CELF1: variants seen among roughly 807,000 people sequenced by gnomAD.
CELF1 encodes the protein 50 kDa nuclear polyadenylated RNA-binding protein.
Under a neutral mutation model 61.8 loss-of-function variants are expected in CELF1, and 10 were observed. The observed-to-expected ratio is 0.16, with a 90% CI of 0.10 to 0.27. The LOEUF (loss-of-function observed/expected upper bound fraction) is 0.27, where lower values mean the gene tolerates loss of function less well. Among genes scored for constraint, CELF1 ranks in the 10% least tolerant of loss-of-function variants. CELF1 has a pLI of 1.00. For synonymous variants in CELF1, 236 were observed against 225.1 expected (o/e 1.05, Z -0.43); for missense variants, 380 against 639.1 (o/e 0.59, Z 4.37).
intron 7 of CELF1, 85 bp downstream of exon 7, chr11:47,484,304 A>G: frequency 6.9e-7 from 1 of 1,456,252 alleles, no homozygotes; most frequent in Non-Finnish European, 9.4e-7. Context: ...GAGAGAGAGC[A>G]AGACCTTGTC....
intron 3 of CELF1, among the ~76,000 whole-genome samples, chr11:47,498,321 C>T (rs1426296590): frequency 6.6e-6 from 1 of 152,124 alleles, no homozygotes; most frequent in Non-Finnish European, 1.5e-5. Flanking sequence ...GAGAGGACTG[C>T]TTGAGCCCAG....
At chr11:47,476,718 A>G (rs550635320) in intron 12 of CELF1, 128 bp downstream of exon 12, 33 of 729,768 alleles carry the variant, frequency 4.5e-5, no homozygotes, top group Admixed American at 1.3e-4. Context: ...GAGCCACCAC[A>G]CCTGGCCCTC....
intron 4 of CELF1, among the ~76,000 whole-genome samples, chr11:47,487,506 A>G (rs1172734484): frequency 6.6e-6 from 1 of 152,206 alleles, no homozygotes. Context: ...TCTGGAAAAT[A>G]CGACTTCTCA....
intron 1 of CELF1, among the ~76,000 whole-genome samples, chr11:47,508,252 A>G (rs2153586136): frequency 6.6e-6 from 1 of 152,354 alleles, no homozygotes; most frequent in Non-Finnish European, 1.5e-5. Flanking sequence ...TGGAAGATGT[A>G]AAAGTCAAAG....
intron 1 of CELF1, among the ~76,000 whole-genome samples, chr11:47,510,732 C>T (rs1421358228): frequency 6.6e-6 from 1 of 152,122 alleles, no homozygotes; most frequent in Non-Finnish European, 1.5e-5. Flanking sequence ...AGCGATCCAC[C>T]CCCTCTTGGC....
chr11:47,551,410 T>C (rs1361741268), intron 1 of CELF1, among the ~76,000 whole-genome samples: 1 of 152,172 alleles, frequency 6.6e-6, no homozygotes, highest in Non-Finnish European at 1.5e-5. Flanking sequence ...CTTGGCTAAC[T>C]CATGATCAGA....
In CELF1 at chr11:47,484,530, G is replaced by C. The variant is rs370232445; in HGVS notation, c.392-7C>G. 6.3e-6 allele frequency: 10 copies of C among 1,599,790 alleles called. No homozygotes were observed. The African/African-American group carries it at 6.8e-5, about 11-fold the overall frequency. Reference sequence around the variant, plus strand: ...AGCTTCCTGTCTTCCACTGCTAAGAGAGTAAAACAGAAAAGACTTGAATAT... The same window carrying C: ...AGCTTCCTGTCTTCCACTGCTAAGACAGTAAAACAGAAAAGACTTGAATAT... On this transcript the variant is annotated splice_region_variant and splice_polypyrimidine_tract_variant and intron_variant, in intron 6 of 14. Coordinates refer to ENST00000687097, the MANE Select transcript of CELF1 (RefSeq NM_001376376.1).
rs1177056676 is a variant in CELF1 at position 47,475,333 on chromosome 11, C to T, written c.1273+3G>A. On this transcript the variant is annotated splice_donor_region_variant and intron_variant, in intron 13 of 14. Transcript: ENST00000687097. ...CCTGACCCCGATCTCCCTTTGCACTCACCTTCCTTCTGGCTTCCAGCAGCA... is the reference window on the plus strand; with the variant it reads ...CCTGACCCCGATCTCCCTTTGCACTTACCTTCCTTCTGGCTTCCAGCAGCA... 1.2e-6 allele frequency: 2 copies of T among 1,613,354 alleles called. No individual in the cohort carries two copies. The highest frequency in any genetic ancestry group is 1.1e-5 in the South Asian group (1 of 90,958).
chr11:47,502,375 C>T (rs1336160013), intron 1 of CELF1, among the ~76,000 whole-genome samples: 1 of 152,034 alleles, frequency 6.6e-6, no homozygotes, highest in Non-Finnish European at 1.5e-5. Context: ...AGAAATTAAT[C>T]ACAAGTCAAT....
intron 1 of CELF1, among the ~76,000 whole-genome samples, chr11:47,537,910 TTTC>T (rs2096670085): frequency 6.6e-6 from 1 of 151,824 alleles, no homozygotes; most frequent in African/African-American, 2.4e-5. Context: ...TTTTCTTTTT[TTTC>T]TTTTCTTTTT....
At chr11:47,545,905 G>GTGTGTGTGTGTA (rs1555191627) in intron 1 of CELF1, among the ~76,000 whole-genome samples, 2 of 109,178 alleles carry the variant, frequency 1.8e-5, no homozygotes, top group South Asian at 5.5e-4. Flanking sequence ...GTGTGTGTGT[G>GTGTGTGTGTGTA]TATATATATA....
chr11:47,482,026 A>C (rs1390323791), intron 9 of CELF1, among the ~76,000 whole-genome samples: 1 of 152,106 alleles, frequency 6.6e-6, no homozygotes, highest in Non-Finnish European at 1.5e-5. Context: ...AACACAGTGA[A>C]AGCCCATCCC....
At chr11:47,541,709 A>G (rs1297948419) in intron 1 of CELF1, among the ~76,000 whole-genome samples, 1 of 21,776 alleles carries the variant, frequency 4.6e-5, no homozygotes, top group African/African-American at 1.8e-4. Flanking sequence ...AAAGAAAGAA[A>G]GAAAGAAAGA....
intron 1 of CELF1, among the ~76,000 whole-genome samples, chr11:47,501,143 A>C (rs2093841567): frequency 6.6e-6 from 1 of 152,244 alleles, no homozygotes; most frequent in African/African-American, 2.4e-5. Flanking sequence ...GTACTGTAAC[A>C]GCAGCTTACT....
Position 47,466,719 on chromosome 11 carries a change from T to A in CELF1, c.*5511A>T, listed in dbSNP as rs1382827060. 6.6e-6 allele frequency: 1 copy of A among 152,222 alleles called. No homozygotes were observed. The highest frequency in any genetic ancestry group is 2.4e-5 in the African/African-American group (1 of 41,458). 9.4% of individuals were successfully genotyped at this position (152,222 alleles called of 1,614,324 possible). On this transcript the variant is annotated 3_prime_UTR_variant, in exon 15 of 15. Coordinates refer to ENST00000687097, the MANE Select transcript of CELF1 (RefSeq NM_001376376.1). Reference sequence around the variant, plus strand: ...GAAACAACGTCCAACATTTGGCATTTGGTTTTATCCACAGGTTTTCCCAGA... The same window carrying A: ...GAAACAACGTCCAACATTTGGCATTAGGTTTTATCCACAGGTTTTCCCAGA...
At chr11:47,484,742 G>A (rs2085585162) in intron 6 of CELF1, among the ~76,000 whole-genome samples, 2 of 152,166 alleles carry the variant, frequency 1.3e-5, no homozygotes, top group African/African-American at 4.8e-5. Context: ...GTAATGGCGC[G>A]ATCTCGGCTC....
intron 1 of CELF1, among the ~76,000 whole-genome samples, chr11:47,538,570 G>A (rs1392320673): frequency 6.7e-6 from 1 of 148,384 alleles, no homozygotes; most frequent in Admixed American, 6.9e-5. Flanking sequence ...GTGAACCCGG[G>A]AGACAGAGCT....
chr11:47,489,165 C>T, intron 3 of CELF1, 141 bp from the exon 4 acceptor site: 1 of 735,204 alleles, frequency 1.4e-6, no homozygotes. Context: ...ATTCAGTTTA[C>T]CAGAGTTCCC....
chr11:47,517,284 T>C (rs2095612857), intron 1 of CELF1, among the ~76,000 whole-genome samples: 1 of 146,218 alleles, frequency 6.8e-6, no homozygotes, highest in Admixed American at 6.8e-5. Context: ...AAAAAAGACA[T>C]GCCCTTTGAA....
Sources: allele counts gnomAD v4.1 joint callset (sites outside exome capture counted in the v4.1 genomes callset), GRCh38; gene constraint gnomAD v4.1.1; transcripts MANE v1.5; gene names NCBI Gene and HGNC (gene_info 2026-07-23, HGNC 2026-07-21).